PHRF1: variants seen among roughly 807,000 people sequenced by gnomAD.
The protein encoded by PHRF1 is PHD and RING finger domain-containing protein 1.
In PHRF1, 53 loss-of-function variants were observed where a neutral mutation model predicts 128.9. That is an observed-to-expected ratio of 0.41 (90% confidence interval 0.33 to 0.52). PHRF1 has a LOEUF of 0.52. PHRF1 is among the 20% of genes least tolerant of loss of function. PHRF1 has a pLI of 0.21. For synonymous variants in PHRF1, 1,178 were observed against 980.6 expected (o/e 1.20, Z -3.76); for missense variants, 2,503 against 2,284.5 (o/e 1.10, Z -1.95).
At position 584,282 on chromosome 11, in the gene PHRF1, C is replaced by A. The variant is rs1471868036; in HGVS notation, c.214+2201C>A. 2.0e-5 allele frequency among the ~76,000 whole-genome samples: 3 copies of A among 152,216 alleles called. No individual in the cohort carries two copies. The East Asian group carries it at 5.8e-4, about 29-fold the overall frequency. On this transcript the variant is annotated intron_variant, in intron 3 of 17. Coordinates refer to ENST00000264555, the MANE Select transcript of PHRF1 (RefSeq NM_001286581.2). ...CGTTGCCAGGGCTGAAAGTGTGGGCCGTCAGGGCCGCCAGGTGACTCTGTC... is the reference window on the plus strand; with the variant it reads ...CGTTGCCAGGGCTGAAAGTGTGGGCAGTCAGGGCCGCCAGGTGACTCTGTC...
Position 608,700 on chromosome 11 carries a change from T to G in PHRF1, c.3244T>G (p.Trp1082Gly). Reference protein sequence around the residue: ...DKSREHRRGPWGHSRRTSRSR... With the variant: ...DKSREHRRGPGGHSRRTSRSR... ...GAGCAGGGAGCACAGGCGGGGCCCC[T>G]GGGGCCACAGCCGGAGGACGTCCCG... is the stretch of plus-strand genomic sequence containing the variant. Residue 1082 changes from tryptophan to glycine, a missense_variant, in exon 14 of 18, where the codon TGG (tryptophan) becomes GGG (glycine). Transcript: ENST00000264555. 1 of 1,609,658 alleles carries G rather than the reference T, an allele frequency of 6.2e-7. No homozygotes were observed. The highest frequency in any genetic ancestry group is 8.5e-7 in the Non-Finnish European group (1 of 1,178,886).
chr11:583,692 G>A (rs923377004), intron 3 of PHRF1, among the ~76,000 whole-genome samples: 15 of 152,204 alleles, frequency 9.9e-5, no homozygotes, highest in Non-Finnish European at 1.9e-4. Flanking sequence ...AGGAAGTTGA[G>A]GCTGCATTCC....
At position 597,405 on chromosome 11, in the gene PHRF1, C is replaced by A. The variant is rs372797208; in HGVS notation, c.729C>A (p.Pro243=). 6.2e-7 allele frequency: 1 copy of A among 1,612,322 alleles called. No individual in the cohort carries two copies. Among genetic ancestry groups the A allele is most frequent in the Non-Finnish European group, 8.5e-7 (1 of 1,179,102 alleles). Residue 243 remains proline, a synonymous_variant, in exon 8 of 18, where the codon CCC becomes CCA. Coordinates refer to ENST00000264555, the MANE Select transcript of PHRF1 (RefSeq NM_001286581.2). This position sits in a 1 kb window ranked among gnomAD's most constrained non-coding sequence, Gnocchi z 6.5. Reference sequence around the variant, plus strand: ...GGTGGTTCTTCCCAGATGCGGGTCCCGTGAGTGAGGAGGAGGTCTCCCTGC... The same window carrying A: ...GGTGGTTCTTCCCAGATGCGGGTCCAGTGAGTGAGGAGGAGGTCTCCCTGC... The part of the protein sequence containing the change: ...PGVVLAADAG[P]VSEEEVSLLL...
rs1312297891 is a variant in PHRF1 at position 597,265 on chromosome 11, G to A, written c.719-130G>A. The A allele has an allele frequency of 8.5e-7, 1 of 1,181,180 alleles. No homozygotes were observed. Among genetic ancestry groups the A allele is most frequent in the Non-Finnish European group, 1.2e-6 (1 of 855,206 alleles). The allele number at this position is 1,181,180 out of a possible 1,614,324, so 73.2% of individuals were successfully genotyped here. A position where few individuals can be genotyped will look rare whatever the true frequency, so the allele number is the denominator to read the frequency against. The stretch of plus-strand genomic sequence containing the variant: ...GTGTTAGGAGCACCAGGCTCCATGA[G>A]CAGCCCTGGGTCCTGTGCACAGGTC... On this transcript the variant is annotated intron_variant, in intron 7 of 17. Coordinates refer to ENST00000264555, the MANE Select transcript of PHRF1 (RefSeq NM_001286581.2). This position sits in a 1 kb window ranked among gnomAD's most constrained non-coding sequence, Gnocchi z 6.5.
In PHRF1 at chr11:611,822, C is replaced by T. The variant is rs753928214; in HGVS notation, c.*45C>T. On this transcript the variant is annotated 3_prime_UTR_variant, in exon 18 of 18. Coordinates refer to ENST00000264555, the MANE Select transcript of PHRF1 (RefSeq NM_001286581.2). ...ATGCCCGGGGAGCTGTCGGGAGTGG[C>T]GGGAATCGGGGCCATGCCCGGGGAG... is the stretch of plus-strand genomic sequence containing the variant. 4.5e-6 allele frequency: 7 copies of T among 1,543,568 alleles called. No individual in the cohort carries two copies. Among genetic ancestry groups the T allele is most frequent in the East Asian group, 2.4e-5 (1 of 41,258 alleles).
intron 4 of PHRF1, among the ~76,000 whole-genome samples, chr11:590,944 C>T (rs571654008): frequency 6.6e-6 from 1 of 152,166 alleles, no homozygotes; most frequent in East Asian, 1.9e-4. Context: ...CTCAGGTAAT[C>T]TGCCTGCCTC....
intron 9 of PHRF1, among the ~76,000 whole-genome samples, chr11:599,783 G>A (rs1018934217): frequency 6.6e-6 from 1 of 151,202 alleles, no homozygotes; most frequent in African/African-American, 2.4e-5. Context: ...GTCTCCAGAG[G>A]ACTCGGCGTC....
chr11:609,396 C>G lies in PHRF1; in HGVS notation c.3940C>G (p.Leu1314Val), dbSNP rs771185740. The G allele has an allele frequency of 2.5e-6, 4 of 1,611,032 alleles. No individual in the cohort carries two copies. Among genetic ancestry groups the G allele is most frequent in the Non-Finnish European group, 3.4e-6 (4 of 1,179,880 alleles). Reference sequence around the variant, plus strand: ...GAAGCCTGCGTTGCCCCCAGCCAGCCTGGCCGTGGCCGCCATCCAGAGGGA... The same window carrying G: ...GAAGCCTGCGTTGCCCCCAGCCAGCGTGGCCGTGGCCGCCATCCAGAGGGA... The part of the protein sequence containing the change: ...PLKPALPPAS[L>V]AVAAIQREVS... The change falls in exon 14 of 18, where the codon CTG becomes GTG. Residue 1314 changes from leucine to valine, a missense_variant. Transcript: ENST00000264555.
chr11:601,624 G>A lies in PHRF1; in HGVS notation c.1075G>A (p.Ala359Thr), dbSNP rs551874512. The A allele has an allele frequency of 1.7e-5, 28 of 1,613,686 alleles. No homozygotes were observed. Among genetic ancestry groups the A allele is most frequent in the East Asian group, 6.7e-5 (3 of 44,872 alleles). Residue 359 changes from alanine to threonine, a missense_variant, in exon 10 of 18, where the codon GCA becomes ACA. Coordinates refer to ENST00000264555, the MANE Select transcript of PHRF1 (RefSeq NM_001286581.2). ...AAAGAAAACCCCGTCCGGACCATCC[G>A]CAAAAAGTAAGAGCTCAGCGACAAG... The part of the protein sequence containing the change: ...GRKKTPSGPS[A>T]KSKSSATRSK...
At chr11:586,748 T>A (rs1854591645) in intron 3 of PHRF1, among the ~76,000 whole-genome samples, 1 of 152,200 alleles carries the variant, frequency 6.6e-6, no homozygotes, top group Admixed American at 6.5e-5. Flanking sequence ...GTTAGGAGTC[T>A]GTGCTCTGCC....
chr11:587,264 G>A lies in PHRF1; in HGVS notation c.220G>A (p.Glu74Lys), dbSNP rs1198667569. ...EEDLEDRSGS[E>K]DSEDDGETLL... is the part of the protein sequence containing the mutation. ...CTGGCATGTTTCCTCTCCAGGTTCC[G>A]AGGATTCTGAAGACGACGGGGAGAC... The change falls in exon 4 of 18, where the codon GAG becomes AAG. Residue 74 changes from glutamate (E) to lysine (K), a missense_variant. Physicochemically the swap from Glu to Lys is moderately conservative, Grantham distance 56. Coordinates refer to ENST00000264555, the MANE Select transcript of PHRF1 (RefSeq NM_001286581.2). 2.5e-5 allele frequency: 41 copies of A among 1,613,140 alleles called. No homozygotes were observed. Among genetic ancestry groups the A allele is most frequent in the Non-Finnish European group, 3.5e-5 (41 of 1,179,844 alleles).
At chr11:599,299 G>A (rs1211798155) in intron 9 of PHRF1, among the ~76,000 whole-genome samples, 4 of 132,288 alleles carry the variant, frequency 3.0e-5, no homozygotes, top group African/African-American at 1.1e-4. Context: ...CTCCCAGGCT[G>A]GAGTGCAGTG....
intron 6 of PHRF1, among the ~76,000 whole-genome samples, chr11:594,217 G>A (rs1417261480): frequency 2.0e-5 from 3 of 152,234 alleles, no homozygotes; most frequent in African/African-American, 7.2e-5. Flanking sequence ...GCATGTGAAG[G>A]AAGGGCCTGG....
chr11:579,622 G>A (rs767121631), intron 1 of PHRF1, among the ~76,000 whole-genome samples: 3 of 152,218 alleles, frequency 2.0e-5, no homozygotes, highest in African/African-American at 4.8e-5. Context: ...CGAGCAGGGC[G>A]TCTCTGCGGA....
chr11:598,435 C>T lies in PHRF1; in HGVS notation c.957C>T (p.Gly319=), dbSNP rs370888480. 5.9e-5 allele frequency: 95 copies of T among 1,611,184 alleles called. No individual in the cohort carries two copies. Among genetic ancestry groups the T allele is most frequent in the Non-Finnish European group, 7.6e-5 (90 of 1,179,778 alleles). Residue 319 remains glycine, a synonymous_variant, in exon 9 of 18, where the codon GGC becomes GGT. Coordinates refer to ENST00000264555, the MANE Select transcript of PHRF1 (RefSeq NM_001286581.2). ...AAGCCATCGAGGCTGTGGCGACTGG[C>T]CTGAGCACTGCCGTGTATCAGCGCC... is the stretch of plus-strand genomic sequence containing the variant. The part of the protein sequence containing the change: ...LDEAIEAVAT[G]LSTAVYQRPL...
intron 6 of PHRF1, among the ~76,000 whole-genome samples, chr11:593,387 G>A (rs1208739605): frequency 6.6e-6 from 1 of 152,268 alleles, no homozygotes; most frequent in Non-Finnish European, 1.5e-5. Context: ...CTGGGTCAGG[G>A]TTTGGACTAC....
chr11:601,815 C>T (rs1444589502), intron 10 of PHRF1, 114 bp downstream of exon 10: 1 of 1,299,126 alleles, frequency 7.7e-7, no homozygotes, highest in Non-Finnish European at 1.1e-6. Flanking sequence ...GGTTATGGAG[C>T]AGGGATCATC....
At chr11:594,718 T>C (rs1288061867) in intron 6 of PHRF1, among the ~76,000 whole-genome samples, 1 of 152,210 alleles carries the variant, frequency 6.6e-6, no homozygotes, top group Non-Finnish European at 1.5e-5. Flanking sequence ...CACCTCGGCC[T>C]CCCAAAGTGC....
At position 610,774 on chromosome 11, in the gene PHRF1, T is replaced by G. The variant is rs962681401; in HGVS notation, c.4677+13T>G. ...CAAGAAGGAGGAGGTGAGTCCTGCC[T>G]CCTCCCACTTTCCCCATGTTCCCAT... On this transcript the variant is annotated intron_variant, in intron 16 of 17. Transcript: ENST00000264555. 1.8e-5 allele frequency: 28 copies of G among 1,597,274 alleles called. No individual in the cohort carries two copies. Among genetic ancestry groups the G allele is most frequent in the Non-Finnish European group, 2.2e-5 (26 of 1,176,562 alleles).
Sources: gnomAD v4.1 joint callset for allele counts (sites outside exome capture counted in the v4.1 genomes callset) on GRCh38, gnomAD v4.1.1 for gene constraint, Gnocchi (gnomAD v3.1) non-coding constraint, MANE v1.5 for transcripts, NCBI Gene and HGNC (gene_info 2026-07-23, HGNC 2026-07-21) for gene names.